AARS2: variants seen among roughly 807,000 people sequenced by gnomAD.
AARS2 encodes alanine--tRNA ligase, mitochondrial.
A neutral mutation model predicts 119.7 loss-of-function variants in AARS2; 78 were observed. The ratio of observed to expected loss-of-function variants is 0.65; its 90% CI spans 0.54 to 0.79. The LOEUF is 0.79. Ranked by LOEUF, AARS2 falls within the 30% of genes least tolerant of loss-of-function variation. AARS2 has a pLI of 0.00. For synonymous variants in AARS2, 502 were observed against 526.3 expected, an observed-to-expected ratio of 0.95 and a Z score of 0.63; for missense variants, 1,157 against 1,291.3, an observed-to-expected ratio of 0.90 and a Z score of 1.59.
At chr6:44,300,940 G>C (rs1172907889) in intron 21 of AARS2, 1 of 718,364 alleles carries the variant, frequency 1.4e-6, no homozygotes, top group East Asian at 2.7e-5. Flanking sequence ...TGAGGCCTGG[G>C]AGGGGTTAGG....
At chr6:44,301,982 T>C (rs1785396032) in intron 19 of AARS2, 78 bp downstream of exon 19, 2 of 1,464,846 alleles carry the variant, frequency 1.4e-6, no homozygotes, top group Non-Finnish European at 1.9e-6. Flanking sequence ...CTCACCCCCA[T>C]GCCCCAGCCC....
chr6:44,312,316 A>G, intron 1 of AARS2, 53 bp from the exon 2 acceptor site: 1 of 1,567,656 alleles, frequency 6.4e-7, no homozygotes, highest in South Asian at 1.2e-5. Context: ...TTCTCAGTAG[A>G]AGGGAAATGT....
Position 44,302,658 on chromosome 6 carries a change from C to T in AARS2, c.2364+144G>A. The T allele has an allele frequency of 2.0e-6, 3 of 1,474,780 alleles. No homozygotes were observed. In the Admixed American group the frequency reaches 5.6e-5, roughly 28 times the overall value. 91.4% of individuals were successfully genotyped at this position (1,474,780 alleles called of 1,614,324 possible). On this transcript the variant is annotated intron_variant, in intron 17 of 21. Coordinates refer to ENST00000244571, the MANE Select transcript of AARS2 (RefSeq NM_020745.4). Reference sequence around the variant, plus strand: ...ACCAAATAATCAAAACACATGCCAGCTGCCAATAGCTGATATGGCCACATT... The same window carrying T: ...ACCAAATAATCAAAACACATGCCAGTTGCCAATAGCTGATATGGCCACATT...
In AARS2 at chr6:44,305,803, CAAAG is replaced by C. The variant is rs1426747577; in HGVS notation, c.1301-21_1301-18del. On this transcript the variant is annotated intron_variant, in intron 9 of 21. Transcript: ENST00000244571. The surrounding 1 kb of genome is among the most constrained non-coding windows in gnomAD (Gnocchi z 4.6). ...CCACTTCAGCTTTGAGAAAGAAAGA[CAAAG>C]AATGTTGAGGAGGGGAGGGATTAGA... 7.4e-6 allele frequency: 12 copies of C among 1,613,894 alleles called. No individual in the cohort carries two copies. In the East Asian group the frequency reaches 2.7e-4, roughly 36 times the overall value.
Position 44,312,122 on chromosome 6 carries a change from T to G in AARS2, c.385A>C (p.Thr129Pro), listed in dbSNP as rs773257559. ...EDVGRDLSHH[T>P]FFEMLGNWAF... ...CAATTGCCAAGCATTTCAAAGAAGG[T>G]ATGATGGGAAAGGTCTCGACCCACA... Residue 129 changes from threonine (T) to proline (P), a missense_variant, in exon 2 of 22, where the codon ACC becomes CCC. Physicochemically the swap from Thr to Pro is conservative, Grantham distance 38. Coordinates refer to ENST00000244571, the MANE Select transcript of AARS2 (RefSeq NM_020745.4). 2 of 1,614,188 alleles carry G rather than the reference T, an allele frequency of 1.2e-6. No homozygotes were observed. The highest frequency in any genetic ancestry group is 1.7e-6 in the Non-Finnish European group (2 of 1,180,032).
In AARS2 at chr6:44,302,452, A is replaced by T. The variant is rs35967387; in HGVS notation, c.2426T>A (p.Leu809Gln). Residue 809 changes from leucine to glutamine, a missense_variant, in exon 18 of 22, where the codon CTG (leucine) becomes CAG (glutamine). By Grantham distance (113) the Leu-to-Gln change is moderately radical (BLOSUM62 -2). Transcript: ENST00000244571. Reference sequence around the variant, plus strand: ...TGCCTCCGCCACATCCCGGCTCCCCAGACTCAGCCGCTCAGTGGCCGCTTT... The same window carrying T: ...TGCCTCCGCCACATCCCGGCTCCCCTGACTCAGCCGCTCAGTGGCCGCTTT... ...EVKAATERLS[L>Q]GSRDVAEALR... The T allele has an allele frequency of 3.3e-3, 5,259 of 1,614,128 alleles. 148 individuals are homozygous for T. The African/African-American group carries it at 0.061, about 19-fold the overall frequency.
chr6:44,302,989 G>A (rs1025505743), intron 16 of AARS2, 77 bp downstream of exon 16: 1 of 1,604,212 alleles, frequency 6.2e-7, no homozygotes, highest in Non-Finnish European at 8.5e-7. Context: ...TCCCATTAAG[G>A]GCTGATGGCT....
chr6:44,304,109 C>T (rs911957439), intron 14 of AARS2, 72 bp downstream of exon 14: 24 of 1,605,546 alleles, frequency 1.5e-5, no homozygotes, highest in Non-Finnish European at 1.9e-5. Context: ...AAGGGCAACC[C>T]GCTCACAGCA....
At chr6:44,301,071 G>GTCTT in intron 21 of AARS2, 85 bp downstream of exon 21, 1 of 1,313,270 alleles carries the variant, frequency 7.6e-7, no homozygotes. Flanking sequence ...TGGCCCCTTT[G>GTCTT]GGAGGAATTA....
At chr6:44,308,345 C>T (rs1447183203) in intron 5 of AARS2, among the ~76,000 whole-genome samples, 7 of 152,106 alleles carry the variant, frequency 4.6e-5, no homozygotes, top group African/African-American at 1.2e-4. Context: ...TGAGACCAGC[C>T]TGGCCAATCC....
rs748406230 is a variant in AARS2 at position 44,302,444 on chromosome 6, G to C, written c.2434C>G (p.Arg812Gly). The C allele has an allele frequency of 5.0e-6, 8 of 1,614,002 alleles. No individual in the cohort carries two copies. In the South Asian group the frequency reaches 6.6e-5, roughly 13 times the overall value. Residue 812 changes from arginine (R) to glycine (G), a missense_variant, in exon 18 of 22, where the codon CGG becomes GGG. Physicochemically the swap from Arg to Gly is moderately radical, Grantham distance 125. Transcript: ENST00000244571. The part of the protein sequence containing the change: ...AATERLSLGS[R>G]DVAEALRLSK... ...AGCCTCAGTGCCTCCGCCACATCCC[G>C]GCTCCCCAGACTCAGCCGCTCAGTG... is the stretch of plus-strand genomic sequence containing the variant.
rs1317219331 is a variant in AARS2 at position 44,305,128 on chromosome 6, A to G, written c.1505T>C (p.Leu502Pro). The change falls in exon 11 of 22, where the codon CTG (leucine) becomes CCG (proline). Residue 502 changes from leucine (L) to proline (P), a missense_variant. Physicochemically the swap from Leu to Pro is moderately conservative, Grantham distance 98. Coordinates refer to ENST00000244571, the MANE Select transcript of AARS2 (RefSeq NM_020745.4). This position sits in a 1 kb window ranked among gnomAD's most constrained non-coding sequence, Gnocchi z 4.6. ...AGTTGGGGGCACTCCTTGGCGCTGC[A>G]GCTCCCCAAGCGCATGGACATCAAG... ...LWLDVHALGELQRQGVPPTDD... is the reference protein window; with the variant it reads ...LWLDVHALGEPQRQGVPPTDD... 1 of 1,613,934 alleles carries G rather than the reference A, an allele frequency of 6.2e-7. No homozygotes were observed. The highest frequency in any genetic ancestry group is 2.2e-5 in the East Asian group (1 of 44,880).
intron 17 of AARS2, 130 bp from the exon 18 acceptor site, chr6:44,302,643 CA>C: frequency 6.6e-7 from 1 of 1,526,624 alleles, no homozygotes; most frequent in South Asian, 1.2e-5. Context: ...ACCAAATAAT[CA>C]AAACACATGC....
intron 9 of AARS2, 54 bp downstream of exon 9, chr6:44,306,226 C>T (rs757938472): frequency 7.7e-6 from 12 of 1,560,536 alleles, no homozygotes; most frequent in Non-Finnish European, 9.7e-6. Context: ...CTCCTCTGCC[C>T]ACCTTGGTGA....
intron 20 of AARS2, 30 bp from the exon 21 acceptor site, chr6:44,301,296 A>G (rs371758890): frequency 3.3e-5 from 54 of 1,613,508 alleles, no homozygotes; most frequent in Non-Finnish European, 4.2e-5. Context: ...TGGTGAGCCC[A>G]TCGCTTCCCA....
chr6:44,310,531 G>T (rs921594993), intron 4 of AARS2, 88 bp from the exon 5 acceptor site: 20 of 1,554,770 alleles, frequency 1.3e-5, no homozygotes, highest in Middle Eastern at 2.3e-4. Flanking sequence ...AATGGGGGGG[G>T]GCCCAAGGGA....
rs75506489 is a variant in AARS2, at chr6:44,312,087, C to T, written c.420G>A (p.Gly140=). Residue 140 remains glycine, a synonymous_variant, in exon 2 of 22, where the codon GGG becomes GGA. Transcript: ENST00000244571. The part of the protein sequence containing the change: ...FFEMLGNWAF[G]GEYFKEEACN... The stretch of plus-strand genomic sequence containing the variant: ...AGAGACTCACCTTAAAATATTCACC[C>T]CCAAAGGCCCAATTGCCAAGCATTT... 4,732 of 1,614,182 alleles carry T rather than the reference C, an allele frequency of 2.9e-3. 113 individuals are homozygous for T. In the African/African-American group the frequency reaches 0.055, roughly 19 times the overall value.
chr6:44,301,043 G>T, intron 21 of AARS2, 113 bp downstream of exon 21: 3 of 1,001,522 alleles, frequency 3.0e-6, no homozygotes, highest in Non-Finnish European at 4.4e-6. Flanking sequence ...TATCCTCATA[G>T]ATACTTCCAC....
Position 44,307,367 on chromosome 6 carries a change from G to A in AARS2, c.922C>T (p.Arg308Ter), listed in dbSNP as rs770902982. 5 of 1,608,670 alleles carry A rather than the reference G, an allele frequency of 3.1e-6. No homozygotes were observed. The highest frequency in any genetic ancestry group is 1.7e-5 in the Admixed American group (1 of 58,996). Residue 308 changes from arginine (R) to a stop codon, truncating the protein, a stop_gained, in exon 6 of 22, where the codon CGA becomes TGA. Coordinates refer to ENST00000244571, the MANE Select transcript of AARS2 (RefSeq NM_020745.4). LOFTEE classifies it high-confidence loss of function. This position sits in a 1 kb window ranked among gnomAD's most constrained non-coding sequence, Gnocchi z 4.4. ...CGCCCCTCGTCTGCCACCCCTACTC[G>A]GCCCAAGTAAGGGGGTGCCCTGCAG... ...QGCRAPPYLGRVGVADEGRTD... is the reference protein window; with the variant it reads ...QGCRAPPYLG
Sources: gnomAD v4.1 joint callset for allele counts (sites outside exome capture counted in the v4.1 genomes callset) on GRCh38, gnomAD v4.1.1 for gene constraint, Gnocchi (gnomAD v3.1) non-coding constraint, MANE v1.5 for transcripts, NCBI Gene and HGNC (gene_info 2026-07-23, HGNC 2026-07-21) for gene names.